RYR3: variants seen among roughly 807,000 people sequenced by gnomAD.
RYR3 encodes the protein brain ryanodine receptor-calcium release channel.
RYR3 carries 207 observed loss-of-function variants against 584.3 expected under a neutral mutation model. The observed-to-expected ratio is 0.35, with a 90% CI of 0.32 to 0.40. The LOEUF is 0.40. RYR3 is among the 10% of genes least tolerant of loss of function. The pLI, the probability that RYR3 is intolerant of heterozygous loss-of-function variation, is 1.00. For missense variants in RYR3, 5,616 were observed against 6,089.2 expected (o/e 0.92, Z 2.59); for synonymous variants, 2,416 against 2,248.5 (o/e 1.07, Z -2.11).
chr15:33,413,638 T>C (rs1305262794), intron 1 of RYR3, among the ~76,000 whole-genome samples: 1 of 152,178 alleles, frequency 6.6e-6, no homozygotes, highest in Non-Finnish European at 1.5e-5. Flanking sequence ...GTGGGTCAAA[T>C]GTGTTTAAAG....
chr15:33,382,018 G>T (rs1370135118), intron 1 of RYR3, among the ~76,000 whole-genome samples: 1 of 152,140 alleles, frequency 6.6e-6, no homozygotes, highest in Admixed American at 6.6e-5. Flanking sequence ...CAGAAGAGGG[G>T]TGTCAAAATT....
At chr15:33,526,273 G>A (rs540784457) in intron 3 of RYR3, among the ~76,000 whole-genome samples, 2 of 152,234 alleles carry the variant, frequency 1.3e-5, no homozygotes, top group Non-Finnish European at 2.9e-5. Flanking sequence ...CGAGGATTGA[G>A]TTAATGAGCT....
intron 67 of RYR3, among the ~76,000 whole-genome samples, chr15:33,798,280 A>G (rs138613198): frequency 0.047 from 7,110 of 152,050 alleles, 301 homozygotes; most frequent in African/African-American, 0.11. Context: ...TAGTAGACAC[A>G]GGGTTTCACC....
chr15:33,748,609 G>C, intron 55 of RYR3, 79 bp downstream of exon 55: 1 of 1,172,734 alleles, frequency 8.5e-7, no homozygotes, highest in Non-Finnish European at 1.2e-6. Context: ...GGGGAAAAAA[G>C]GGAAAGAATG....
intron 1 of RYR3, among the ~76,000 whole-genome samples, chr15:33,448,305 G>C (rs1202737131): frequency 1.3e-5 from 2 of 152,226 alleles, no homozygotes; most frequent in Admixed American, 6.5e-5. Flanking sequence ...TTCCAGATCA[G>C]AGTCATGTTT....
chr15:33,570,224 G>A (rs1307142401), intron 12 of RYR3, among the ~76,000 whole-genome samples: 4 of 152,008 alleles, frequency 2.6e-5, no homozygotes, highest in Admixed American at 6.6e-5. Flanking sequence ...ATTTAGGTCC[G>A]TGATCTATTT....
intron 57 of RYR3, among the ~76,000 whole-genome samples, chr15:33,751,855 T>C (rs1050199407): frequency 2.0e-5 from 3 of 152,184 alleles, no homozygotes; most frequent in African/African-American, 7.2e-5. Flanking sequence ...AGGGCTTTTA[T>C]GGTTTTGGTC....
chr15:33,725,967 C>G (rs1187176740), intron 45 of RYR3, among the ~76,000 whole-genome samples: 1 of 17,512 alleles, frequency 5.7e-5, no homozygotes, highest in African/African-American at 1.5e-4. Flanking sequence ...AAGACTCCAT[C>G]CCCCCCCCCA....
chr15:33,434,059 G>A (rs1403198998), intron 1 of RYR3, among the ~76,000 whole-genome samples: 1 of 152,150 alleles, frequency 6.6e-6, no homozygotes, highest in Non-Finnish European at 1.5e-5. Context: ...ATAATAGTTT[G>A]CACCTTTTCT....
In RYR3 at chr15:33,406,790, C is replaced by A. The variant is rs182820445; in HGVS notation, c.52-66629C>A. On this transcript the variant is annotated intron_variant, in intron 1 of 103. Transcript: ENST00000634891. ...TTTTTTAACAAAAGTTTGTTGAATT[C>A]TAAATACATGCCAGATCCTAGTCTA... Among the ~76,000 whole-genome samples the A allele has an allele frequency of 3.4e-4, 52 of 152,232 alleles. No homozygotes were observed. In the East Asian group the frequency reaches 7.7e-3, roughly 23 times the overall value.
Position 33,311,157 on chromosome 15 carries a change from A to G in RYR3, c.51+61A>G. Reference sequence around the variant, plus strand: ...GTGGGGAGGAGCGCGGAGCGCGGCGAGGAGGGGCTGGCTGCGCTGCGCCGC... The same window carrying G: ...GTGGGGAGGAGCGCGGAGCGCGGCGGGGAGGGGCTGGCTGCGCTGCGCCGC... On this transcript the variant is annotated intron_variant, in intron 1 of 103. Coordinates refer to ENST00000634891, the MANE Select transcript of RYR3 (RefSeq NM_001036.6). This position sits in a 1 kb window ranked among gnomAD's most constrained non-coding sequence, Gnocchi z 4.4. The G allele has an allele frequency of 1.5e-6, 2 of 1,354,590 alleles. No individual in the cohort carries two copies. Among genetic ancestry groups the G allele is most frequent in the Non-Finnish European group, 2.0e-6 (2 of 998,834 alleles). The allele number at this position is 1,354,590 out of a possible 1,614,324, so 83.9% of individuals were successfully genotyped here. A position where few individuals can be genotyped will look rare whatever the true frequency, so the allele number is the denominator to read the frequency against.
chr15:33,372,828 G>A (rs1359306255), intron 1 of RYR3, among the ~76,000 whole-genome samples: 1 of 152,164 alleles, frequency 6.6e-6, no homozygotes, highest in Non-Finnish European at 1.5e-5. Flanking sequence ...ACTCTTTAGG[G>A]CTTCACTCAA....
In RYR3 at chr15:33,735,843, C is replaced by T. The variant is rs149828653; in HGVS notation, c.7425-392C>T. On this transcript the variant is annotated intron_variant, in intron 48 of 103. Coordinates refer to ENST00000634891, the MANE Select transcript of RYR3 (RefSeq NM_001036.6). ...CGCACCAGTAGGTGGCCTCAGATTC[C>T]ACCTGTGCAGCTGCTCAACGCCAGT... Among the ~76,000 whole-genome samples, 322 of 152,302 alleles carry T rather than the reference C, an allele frequency of 2.1e-3. 4 individuals carry two copies. Among genetic ancestry groups the T allele is most frequent in the Non-Finnish European group, 3.9e-3 (262 of 68,030 alleles).
chr15:33,857,112 C>G (rs1336937345), intron 98 of RYR3, among the ~76,000 whole-genome samples: 2 of 152,166 alleles, frequency 1.3e-5, no homozygotes, highest in Non-Finnish European at 2.9e-5. Flanking sequence ...TTTACTTACG[C>G]CCAATCTAAT....
At chr15:33,517,139 C>T (rs371659277) in intron 3 of RYR3, among the ~76,000 whole-genome samples, 9 of 152,106 alleles carry the variant, frequency 5.9e-5, no homozygotes, top group African/African-American at 1.2e-4. Context: ...GGATTACAGG[C>T]GCGTGCCACC....
chr15:33,725,422 T>A (rs2068311938), intron 45 of RYR3, among the ~76,000 whole-genome samples: 1 of 152,002 alleles, frequency 6.6e-6, no homozygotes, highest in African/African-American at 2.4e-5. Flanking sequence ...GACATTCAGT[T>A]CCCAGCTGAA....
At chr15:33,840,553 G>A (rs898962450) in intron 89 of RYR3, 10 of 480,394 alleles carry the variant, frequency 2.1e-5, no homozygotes, top group African/African-American at 1.4e-4. Context: ...CCGCCTTGAG[G>A]CTCTTACAAT....
rs139280502 is a variant in RYR3 at position 33,667,674 on chromosome 15, G to A, written c.5620-1680G>A. Among the ~76,000 whole-genome samples the A allele has an allele frequency of 1.1e-4, 16 of 152,180 alleles. 1 individual carries two copies. The East Asian group carries it at 2.3e-3, about 22-fold the overall frequency. On this transcript the variant is annotated intron_variant, in intron 36 of 103. Transcript: ENST00000634891. Reference sequence around the variant, plus strand: ...TAATTATTTCTCTTTGTAGTCCTATGTATTTTATTTTGTGCATTTAAAATA... The same window carrying A: ...TAATTATTTCTCTTTGTAGTCCTATATATTTTATTTTGTGCATTTAAAATA...
chr15:33,333,691 C>T (rs1003628352), intron 1 of RYR3, among the ~76,000 whole-genome samples: 4 of 152,006 alleles, frequency 2.6e-5, no homozygotes, highest in Non-Finnish European at 4.4e-5. Flanking sequence ...AAGTTCTGGC[C>T]GGGACAATCA....
Sources: gnomAD v4.1 joint callset for allele counts (sites outside exome capture counted in the v4.1 genomes callset) on GRCh38, gnomAD v4.1.1 for gene constraint, Gnocchi (gnomAD v3.1) non-coding constraint, MANE v1.5 for transcripts, NCBI Gene and HGNC (gene_info 2026-07-23, HGNC 2026-07-21) for gene names.